Variants in SPRY3 observed in about 807,000 individuals in gnomAD.
The protein encoded by SPRY3 is protein sprouty homolog 3.
SPRY3 carries 15 observed loss-of-function variants against 20.2 expected under a neutral mutation model. The observed-to-expected ratio is 0.74, with a 90% CI of 0.50 to 1.14. The LOEUF is 1.14. SPRY3 is among the 50% of genes most tolerant of loss of function. SPRY3 has a pLI of 0.00. For synonymous variants in SPRY3, 143 were observed against 136.5 expected, an observed-to-expected ratio of 1.05 and a Z score of -0.33; for missense variants, 364 against 363.9, an observed-to-expected ratio of 1.00 and a Z score of 0.00.
At chrX:155,713,927 C>G (rs1347492947) in intron 2 of SPRY3, among the ~76,000 whole-genome samples, 3 of 151,970 alleles carry the variant, frequency 2.0e-5, no homozygotes, top group African/African-American at 4.8e-5. Flanking sequence ...TTTCAAATAG[C>G]CTGTCTTCAA....
chrX:155,636,564 G>GGTAT (rs200537763), intron 1 of SPRY3, among the ~76,000 whole-genome samples: 2,066 of 104,776 alleles, frequency 0.02, 43 homozygotes, highest in African/African-American at 0.055. Flanking sequence ...TATGTAGGTA[G>GGTAT]GTATGTATGT....
intron 2 of SPRY3, among the ~76,000 whole-genome samples, chrX:155,759,564 T>C (rs747031152): frequency 6.6e-6 from 1 of 151,992 alleles, no homozygotes; most frequent in African/African-American, 2.4e-5. Flanking sequence ...ATGTAACAAA[T>C]TCATTTATTA....
intron 2 of SPRY3, among the ~76,000 whole-genome samples, chrX:155,718,667 GT>G (rs1277232810): frequency 6.6e-6 from 1 of 151,974 alleles, no homozygotes; most frequent in Non-Finnish European, 1.5e-5. Context: ...GGATAAAAGT[GT>G]TTGAACAATT....
intron 1 of SPRY3, among the ~76,000 whole-genome samples, chrX:155,628,556 C>A (rs1380327377): frequency 8.9e-6 from 1 of 112,158 alleles, no homozygotes; most frequent in African/African-American, 3.2e-5. Context: ...ACGTGGCCAA[C>A]AAACATATGA....
At chrX:155,718,301 C>A (rs2091035094) in intron 2 of SPRY3, among the ~76,000 whole-genome samples, 1 of 151,984 alleles carries the variant, frequency 6.6e-6, no homozygotes, top group Non-Finnish European at 1.5e-5. Flanking sequence ...CAAGAAAAAT[C>A]TTGACAAAAA....
intron 2 of SPRY3, among the ~76,000 whole-genome samples, chrX:155,666,825 G>T (rs782447348): frequency 9.0e-6 from 1 of 110,777 alleles, no homozygotes; most frequent in African/African-American, 3.3e-5. Context: ...AGGAGCTAAT[G>T]GAAGTTAGGA....
At chrX:155,739,082 A>T (rs1308646408) in intron 2 of SPRY3, among the ~76,000 whole-genome samples, 6 of 151,490 alleles carry the variant, frequency 4.0e-5, no homozygotes, top group Non-Finnish European at 7.4e-5. Context: ...TGCCATCTCT[A>T]TGGTTCAAGT....
intron 2 of SPRY3, among the ~76,000 whole-genome samples, chrX:155,678,908 A>G (rs2068065387): frequency 9.0e-6 from 1 of 111,718 alleles, no homozygotes; most frequent in Admixed American, 9.5e-5. Context: ...TCATTCAACA[A>G]ATATTTTTGA....
chrX:155,715,060 T>C (rs917597198), intron 2 of SPRY3, among the ~76,000 whole-genome samples: 7 of 152,144 alleles, frequency 4.6e-5, no homozygotes, highest in African/African-American at 1.7e-4. Context: ...GTGTGATTGT[T>C]GCTCTACCCT....
intron 3 of SPRY3, among the ~76,000 whole-genome samples, chrX:155,772,630 G>A (rs1569402127): frequency 1.3e-5 from 2 of 151,980 alleles, no homozygotes; most frequent in Non-Finnish European, 2.9e-5. Flanking sequence ...TCTAGGTGGT[G>A]CAATACAGCA....
intron 1 of SPRY3, among the ~76,000 whole-genome samples, chrX:155,647,818 C>G (rs2067962639): frequency 9.0e-6 from 1 of 111,689 alleles, no homozygotes; most frequent in African/African-American, 3.3e-5. Flanking sequence ...TTGGTATATA[C>G]CCAGTAATAG....
intron 2 of SPRY3, among the ~76,000 whole-genome samples, chrX:155,668,649 C>T (rs1266000347): frequency 1.8e-5 from 2 of 110,797 alleles, no homozygotes; most frequent in East Asian, 2.8e-4. Flanking sequence ...TTGTTTTGAG[C>T]CTGCTTTAAA....
intron 2 of SPRY3, among the ~76,000 whole-genome samples, chrX:155,763,954 C>T (rs1324743582): frequency 6.6e-6 from 1 of 152,156 alleles, no homozygotes; most frequent in Non-Finnish European, 1.5e-5. Context: ...TTATTCATTA[C>T]AAAATCATAA....
chrX:155,728,108 TG>T (rs2091110990), intron 2 of SPRY3, among the ~76,000 whole-genome samples: 1 of 152,184 alleles, frequency 6.6e-6, no homozygotes, highest in African/African-American at 2.4e-5. Flanking sequence ...CCTGTTTGCC[TG>T]GGTATCACCA....
At chrX:155,631,050 A>G (rs1228258870) in intron 1 of SPRY3, among the ~76,000 whole-genome samples, 1 of 110,487 alleles carries the variant, frequency 9.1e-6, no homozygotes, top group East Asian at 2.9e-4. Context: ...TCACTCAGGT[A>G]GTGAGCATAG....
intron 2 of SPRY3, among the ~76,000 whole-genome samples, chrX:155,751,445 A>T (rs2091261602): frequency 6.6e-6 from 1 of 151,828 alleles, no homozygotes; most frequent in Non-Finnish European, 1.5e-5. Context: ...TACCTATTCC[A>T]ACAATGGAAA....
chrX:155,720,282 A>G (rs1348379124), intron 2 of SPRY3, among the ~76,000 whole-genome samples: 1 of 152,120 alleles, frequency 6.6e-6, no homozygotes. Context: ...TCGCAGTACA[A>G]TAGAACACCA....
At chrX:155,715,406 C>G (rs1452746828) in intron 2 of SPRY3, among the ~76,000 whole-genome samples, 1 of 152,124 alleles carries the variant, frequency 6.6e-6, no homozygotes, top group African/African-American at 2.4e-5. Context: ...CCTCACAACT[C>G]TGCCTGGTGC....
chrX:155,660,474 G>A (rs1261826604), intron 2 of SPRY3, among the ~76,000 whole-genome samples: 3 of 111,798 alleles, frequency 2.7e-5, no homozygotes, highest in Non-Finnish European at 3.8e-5. Flanking sequence ...TCTAGATGTA[G>A]ATGAGAAGAA....
Sources: allele counts gnomAD v4.1 joint callset (sites outside exome capture counted in the v4.1 genomes callset), GRCh38; gene constraint gnomAD v4.1.1; transcripts MANE v1.5; gene names NCBI Gene and HGNC (gene_info 2026-07-23, HGNC 2026-07-21).